Variants in DSCAML1 observed in about 807,000 individuals in gnomAD.
The protein encoded by DSCAML1 is DS cell adhesion molecule like 1.
In DSCAML1, 38 loss-of-function variants were observed where a neutral mutation model predicts 200.5. The observed-to-expected ratio is 0.19, with a 90% CI of 0.15 to 0.25. The LOEUF (loss-of-function observed/expected upper bound fraction) is 0.25, where lower values mean the gene tolerates loss of function less well. Ranked by LOEUF, DSCAML1 falls within the 10% of genes least tolerant of loss-of-function variation. The pLI, the probability that DSCAML1 is intolerant of heterozygous loss-of-function variation, is 1.00. For missense variants in DSCAML1, 2,223 were observed against 2,858.8 expected (o/e 0.78, Z 5.07); for synonymous variants, 1,215 against 1,165.0 (o/e 1.04, Z -0.87).
intron 1 of DSCAML1, among the ~76,000 whole-genome samples, 162 bp downstream of exon 1, chr11:117,796,872 C>T (rs1326858319): frequency 6.6e-6 from 1 of 152,084 alleles, no homozygotes; most frequent in African/African-American, 2.4e-5. Flanking sequence ...TCACTCGGCC[C>T]CTGTCAGGGT....
chr11:117,504,270 C>T lies in DSCAML1; in HGVS notation c.2183-249G>A, dbSNP rs191923511. ...GTTGGGAGTCTCAGCTCAATGCCCA[C>T]TTTGACACTGGCATGGAGCTTCTTT... On this transcript the variant is annotated intron_variant, in intron 10 of 32. Coordinates refer to ENST00000651296, the MANE Select transcript of DSCAML1 (RefSeq NM_020693.4). This position sits in a 1 kb window ranked among gnomAD's most constrained non-coding sequence, Gnocchi z 5.0. Among the ~76,000 whole-genome samples, 3 of 152,346 alleles carry T rather than the reference C, an allele frequency of 2.0e-5. No homozygotes were observed. The highest frequency in any genetic ancestry group is 3.9e-4 in the East Asian group (2 of 5,176).
intron 3 of DSCAML1, among the ~76,000 whole-genome samples, chr11:117,577,450 T>A (rs1242517097): frequency 1.7e-5 from 1 of 59,276 alleles, no homozygotes; most frequent in Non-Finnish European, 4.0e-5. Flanking sequence ...CCTTCCTTCC[T>A]TCCTTCCTTT....
chr11:117,500,506 C>T (rs542154032), intron 11 of DSCAML1, among the ~76,000 whole-genome samples: 23 of 151,888 alleles, frequency 1.5e-4, no homozygotes, highest in East Asian at 1.2e-3. Flanking sequence ...ACCTTACCAA[C>T]GCACAAAGTA....
chr11:117,486,505 A>G (rs2049069457), intron 11 of DSCAML1, among the ~76,000 whole-genome samples: 1 of 152,202 alleles, frequency 6.6e-6, no homozygotes. Context: ...TGAAAGGCGC[A>G]TGTCTCAGGC....
intron 3 of DSCAML1, among the ~76,000 whole-genome samples, chr11:117,615,820 T>C (rs1046756647): frequency 1.3e-5 from 2 of 152,170 alleles, no homozygotes; most frequent in Non-Finnish European, 2.9e-5. Flanking sequence ...TTCCCATCAG[T>C]GGCCCTTGGG....
chr11:117,673,949 C>A (rs889815900), intron 3 of DSCAML1, among the ~76,000 whole-genome samples: 2 of 152,176 alleles, frequency 1.3e-5, no homozygotes, highest in Non-Finnish European at 2.9e-5. Flanking sequence ...GAAGATGGTG[C>A]TAAGAAATGG....
chr11:117,428,527 G>A lies in DSCAML1; in HGVS notation c.5963C>T (p.Pro1988Leu), dbSNP rs2047710804. The change falls in exon 33 of 33, where the codon CCC (proline) becomes CTC (leucine). Residue 1988 changes from proline to leucine, a missense_variant. Transcript: ENST00000651296. ...GGGTGGCTCAGCAGGGGTGGGGCCG[G>A]GGGCTGGGGGGGCTGTGCCGGCTGG... ...APPAGTAPPA[P>L]GPTPAEPPTA... 2.0e-6 allele frequency: 3 copies of A among 1,504,814 alleles called. No individual in the cohort carries two copies. Among genetic ancestry groups the A allele is most frequent in the African/African-American group, 1.4e-5 (1 of 72,140 alleles). 93.2% of individuals were successfully genotyped at this position (1,504,814 alleles called of 1,614,324 possible). A position where few individuals can be genotyped will look rare whatever the true frequency, so the allele number is the denominator to read the frequency against.
At chr11:117,668,944 G>A (rs536451404) in intron 3 of DSCAML1, 1 of 152,302 alleles carries the variant, frequency 6.6e-6, no homozygotes, top group Admixed American at 6.5e-5. Context: ...GGTCTGGGGG[G>A]TGGCAGTAGT....
chr11:117,468,414 GAAAT>G (rs1565710794), intron 16 of DSCAML1, among the ~76,000 whole-genome samples: 2 of 152,238 alleles, frequency 1.3e-5, no homozygotes, highest in African/African-American at 2.4e-5. Context: ...AGACTTTGGA[GAAAT>G]AAATCTGATT....
At chr11:117,631,410 A>G (rs1024277210) in intron 3 of DSCAML1, among the ~76,000 whole-genome samples, 10 of 152,194 alleles carry the variant, frequency 6.6e-5, no homozygotes, top group Non-Finnish European at 1.5e-5. Context: ...CCAAGAGGAG[A>G]GCTGCGGGCT....
intron 3 of DSCAML1, among the ~76,000 whole-genome samples, chr11:117,767,839 A>G (rs910490719): frequency 6.6e-6 from 1 of 152,154 alleles, no homozygotes; most frequent in Non-Finnish European, 1.5e-5. Context: ...TTTTCTTTAC[A>G]TCTAAGAATG....
At position 117,463,281 on chromosome 11, in the gene DSCAML1, T is replaced by TG. The variant is rs2048517117; in HGVS notation, c.3265+1660dup. ...GCCTTGGCCTCCCTTCATGGATAAT[T>TG]GTGCGACTCTTGGTGCTATGATTCC... On this transcript the variant is annotated intron_variant, in intron 17 of 32. Transcript: ENST00000651296. This position sits in a 1 kb window ranked among gnomAD's most constrained non-coding sequence, Gnocchi z 4.0. Among the ~76,000 whole-genome samples the TG allele has an allele frequency of 1.3e-5, 2 of 152,184 alleles. No individual in the cohort carries two copies. The highest frequency in any genetic ancestry group is 4.8e-5 in the African/African-American group (2 of 41,440).
At chr11:117,799,337 G>A (rs2055635353), upstream of DSCAML1, among the ~76,000 whole-genome samples, 1 of 152,220 alleles carries the variant, frequency 6.6e-6, no homozygotes, top group Non-Finnish European at 1.5e-5. Flanking sequence ...GGGGATCTGA[G>A]TGGGCCTGGG....
chr11:117,553,165 T>G (rs923637347), intron 3 of DSCAML1, among the ~76,000 whole-genome samples: 1 of 152,150 alleles, frequency 6.6e-6, no homozygotes, highest in Non-Finnish European at 1.5e-5. Context: ...TGCAAGAGCC[T>G]AAAATGATAA....
At chr11:117,602,007 G>A (rs2051474375) in intron 3 of DSCAML1, among the ~76,000 whole-genome samples, 2 of 152,226 alleles carry the variant, frequency 1.3e-5, no homozygotes, top group Admixed American at 6.5e-5. Context: ...TACATTCCCT[G>A]CTGCTGTAAT....
intron 3 of DSCAML1, among the ~76,000 whole-genome samples, chr11:117,545,391 G>A (rs1475388099): frequency 1.3e-5 from 2 of 152,160 alleles, no homozygotes; most frequent in African/African-American, 4.8e-5. Flanking sequence ...TAGACTTCCA[G>A]CCTCCAGAAC....
At chr11:117,669,980 T>C (rs2077589163) in intron 3 of DSCAML1, among the ~76,000 whole-genome samples, 1 of 152,270 alleles carries the variant, frequency 6.6e-6, no homozygotes, top group South Asian at 2.1e-4. Flanking sequence ...GCCAAGCCTG[T>C]GATTCTAGAT....
chr11:117,590,609 C>T (rs909781681), intron 3 of DSCAML1, among the ~76,000 whole-genome samples: 2 of 152,174 alleles, frequency 1.3e-5, no homozygotes, highest in African/African-American at 4.8e-5. Context: ...TCCCTGCTGT[C>T]ATCTCGAGAT....
At chr11:117,452,113 G>A (rs374340920) in intron 19 of DSCAML1, among the ~76,000 whole-genome samples, 1 of 152,274 alleles carries the variant, frequency 6.6e-6, no homozygotes, top group African/African-American at 2.4e-5. Context: ...TGGGGTAAAC[G>A]AGTCCATGGA....
Sources: gnomAD v4.1 joint callset for allele counts (sites outside exome capture counted in the v4.1 genomes callset) on GRCh38, gnomAD v4.1.1 for gene constraint, Gnocchi (gnomAD v3.1) non-coding constraint, MANE v1.5 for transcripts, NCBI Gene and HGNC (gene_info 2026-07-23, HGNC 2026-07-21) for gene names.